TMEM91: variants seen among roughly 807,000 people sequenced by gnomAD.
The protein encoded by TMEM91 is transmembrane protein 91.
A neutral mutation model predicts 13.3 loss-of-function variants in TMEM91; 6 were observed. The ratio of observed to expected loss-of-function variants is 0.45; its 90% CI spans 0.25 to 0.89. TMEM91 has a LOEUF of 0.89. TMEM91 is among the 40% of genes least tolerant of loss of function. TMEM91 has a pLI of 0.19. For missense variants in TMEM91, 193 were observed against 228.7 expected (o/e 0.84, Z 1.01); for synonymous variants, 87 against 101.7 (o/e 0.86, Z 0.87).
At chr19:41,366,635 T>C (rs2038532233) in intron 1 of TMEM91, among the ~76,000 whole-genome samples, 2 of 152,002 alleles carry the variant, frequency 1.3e-5, no homozygotes, top group South Asian at 2.1e-4. Flanking sequence ...ATTTTTGTAT[T>C]TTTAGTAGAG....
chr19:41,382,395 G>A (rs1395642211), intron 2 of TMEM91, among the ~76,000 whole-genome samples: 3 of 151,906 alleles, frequency 2.0e-5, no homozygotes, highest in Admixed American at 1.3e-4. Context: ...AGGCCAAGAC[G>A]GGTGGATCAC....
intron 2 of TMEM91, among the ~76,000 whole-genome samples, chr19:41,379,656 A>G (rs2038828333): frequency 6.6e-6 from 1 of 151,858 alleles, no homozygotes; most frequent in African/African-American, 2.4e-5. Context: ...GAATGAAGGA[A>G]ACAAGGAAAG....
intron 1 of TMEM91, among the ~76,000 whole-genome samples, 157 bp from the exon 2 acceptor site, chr19:41,378,124 C>CT (rs1057140965): frequency 2.0e-5 from 3 of 151,596 alleles, no homozygotes; most frequent in African/African-American, 7.3e-5. Flanking sequence ...TGAGGCCAAT[C>CT]TTTTTTTCTC....
chr19:41,371,737 CTG>C (rs1568489706), upstream of TMEM91, among the ~76,000 whole-genome samples: 3 of 152,036 alleles, frequency 2.0e-5, no homozygotes, highest in Admixed American at 2.0e-4. Flanking sequence ...TTTTCTGTCT[CTG>C]TGAATGTGAC....
chr19:41,383,514 TA>T, intron 3 of TMEM91, 200 bp from the exon 4 acceptor site: 1 of 1,451,536 alleles, frequency 6.9e-7, no homozygotes, highest in Middle Eastern at 2.4e-4. Flanking sequence ...TAAAATTTAT[TA>T]TTATTATTAT....
chr19:41,383,743 T>G lies in TMEM91; in HGVS notation c.389T>G (p.Ile130Ser), dbSNP rs1222219646. ...AACAAGGCTTGGGCCAAGGGGGACA[T>G]CCAGGGGGCAGGGGCCGCCTCCCGC... ...KTNKAWAKGD[I>S]QGAGAASRRA... The change falls in exon 4 of 4, where the codon ATC (isoleucine) becomes AGC (serine). Residue 130 changes from isoleucine to serine, a missense_variant. Ile to Ser is a moderately radical substitution (Grantham distance 142). Transcript: ENST00000392002. 2 of 1,608,346 alleles carry G rather than the reference T, an allele frequency of 1.2e-6. No individual in the cohort carries two copies. The highest frequency in any genetic ancestry group is 1.7e-6 in the Non-Finnish European group (2 of 1,176,812).
chr19:41,381,807 C>T (rs147428629), intron 2 of TMEM91, among the ~76,000 whole-genome samples: 3 of 152,102 alleles, frequency 2.0e-5, no homozygotes, highest in South Asian at 2.1e-4. Context: ...CCACTGTGCC[C>T]GGCCAATAAT....
chr19:41,375,776 C>A (rs1203975148), upstream of TMEM91, among the ~76,000 whole-genome samples: 1 of 151,680 alleles, frequency 6.6e-6, no homozygotes, highest in African/African-American at 2.4e-5. Context: ...TGCGCCACTG[C>A]CTTCCAGCCT....
chr19:41,370,072 CTTTA>C (rs768936218), intron 1 of TMEM91, among the ~76,000 whole-genome samples: 5 of 152,004 alleles, frequency 3.3e-5, no homozygotes, highest in Non-Finnish European at 7.4e-5. Context: ...ATTTATTTTA[CTTTA>C]TTTATTTATT....
intron 1 of TMEM91, among the ~76,000 whole-genome samples, chr19:41,365,600 TC>T (rs2038507070): frequency 6.6e-6 from 1 of 152,032 alleles, no homozygotes; most frequent in Non-Finnish European, 1.5e-5. Context: ...AGACGGGTTT[TC>T]ACCATATTGG....
chr19:41,379,918 G>A (rs925547177), intron 2 of TMEM91, among the ~76,000 whole-genome samples: 2 of 131,248 alleles, frequency 1.5e-5, no homozygotes, highest in Non-Finnish European at 3.1e-5. Context: ...TTTTGAGATG[G>A]AGTTTCACCC....
chr19:41,367,683 G>C (rs1445960999), intron 1 of TMEM91, among the ~76,000 whole-genome samples: 1 of 152,172 alleles, frequency 6.6e-6, no homozygotes, highest in African/African-American at 2.4e-5. Context: ...ACCCAGGCTG[G>C]AGTGCAGTGG....
chr19:41,381,049 C>G (rs550966174), intron 2 of TMEM91, among the ~76,000 whole-genome samples: 40 of 135,632 alleles, frequency 2.9e-4, no homozygotes, highest in African/African-American at 1.1e-3. Flanking sequence ...TGAGCCACTG[C>G]CCTCCAGCCT....
chr19:41,383,542 GT>G, intron 3 of TMEM91, 172 bp from the exon 4 acceptor site: 1 of 1,575,936 alleles, frequency 6.3e-7, no homozygotes, highest in Non-Finnish European at 8.6e-7. Flanking sequence ...CCATTTTAAT[GT>G]TTTTATTAAC....
At chr19:41,376,277 A>G (rs1700816971), upstream of TMEM91, 1 of 152,226 alleles carries the variant, frequency 6.6e-6, no homozygotes, top group Non-Finnish European at 1.5e-5. Context: ...CAATGAACCA[A>G]TGATGTACCC....
intron 1 of TMEM91, among the ~76,000 whole-genome samples, chr19:41,367,729 G>C (rs1440803354): frequency 6.6e-6 from 1 of 152,144 alleles, no homozygotes; most frequent in East Asian, 1.9e-4. Flanking sequence ...GAACGCCCAG[G>C]CTCAAGCCTC....
intron 1 of TMEM91, among the ~76,000 whole-genome samples, chr19:41,368,429 G>T (rs537981889): frequency 6.7e-6 from 1 of 148,758 alleles, no homozygotes; most frequent in Non-Finnish European, 1.5e-5. Flanking sequence ...TTTTTTTGGG[G>T]GGGGTGGTTA....
At chr19:41,366,787 A>G (rs1378451298) in intron 1 of TMEM91, among the ~76,000 whole-genome samples, 1 of 152,086 alleles carries the variant, frequency 6.6e-6, no homozygotes, top group African/African-American at 2.4e-5. Flanking sequence ...GCTCCCATGT[A>G]TACATGTTAA....
chr19:41,364,483 A>G (rs1433668225), intron 1 of TMEM91, among the ~76,000 whole-genome samples: 1 of 152,036 alleles, frequency 6.6e-6, no homozygotes, highest in Non-Finnish European at 1.5e-5. Flanking sequence ...AGATTGAACC[A>G]GGACCAAGGG....
Sources: allele counts gnomAD v4.1 joint callset (sites outside exome capture counted in the v4.1 genomes callset), GRCh38; gene constraint gnomAD v4.1.1; transcripts MANE v1.5; gene names NCBI Gene and HGNC (gene_info 2026-07-23, HGNC 2026-07-21).